The following RNF180 variants were observed in gnomAD, a reference collection of about 807,000 sequenced individuals.
RNF180 encodes the protein ring finger protein 180.
A neutral mutation model predicts 59.2 loss-of-function variants in RNF180; 38 were observed. The ratio of observed to expected loss-of-function variants is 0.64; its 90% CI spans 0.50 to 0.84. The LOEUF is 0.84. Among genes scored for constraint, RNF180 ranks in the 40% least tolerant of loss-of-function variants. The pLI is 0.00. For synonymous variants in RNF180, 262 were observed against 240.3 expected (o/e 1.09, Z -0.84); for missense variants, 705 against 700.9 (o/e 1.01, Z -0.07).
At chr5:64,348,523 C>G (rs1017060615) in intron 7 of RNF180, among the ~76,000 whole-genome samples, 1 of 152,084 alleles carries the variant, frequency 6.6e-6, no homozygotes, top group Non-Finnish European at 1.5e-5. Context: ...GATAATACAA[C>G]TTCCTTTCAA....
At chr5:64,172,942 T>C (rs1429997762) in intron 1 of RNF180, among the ~76,000 whole-genome samples, 4 of 152,206 alleles carry the variant, frequency 2.6e-5, no homozygotes, top group Admixed American at 2.6e-4. Context: ...GTCAACTGTT[T>C]AGAATTCAGG....
chr5:64,319,102 G>A lies in RNF180; in HGVS notation c.1228-6084G>A, dbSNP rs114457727. Among the ~76,000 whole-genome samples, 674 of 151,648 alleles carry A rather than the reference G, an allele frequency of 4.4e-3. 6 individuals are homozygous for A. The highest frequency in any genetic ancestry group is 6.5e-3 in the Non-Finnish European group (439 of 67,912). ...CAAAACTCTGTGTGTGTGCATGTGC[G>A]TGTGTAGAGAAAGTATATGGAAATT... On this transcript the variant is annotated intron_variant, in intron 5 of 7. Coordinates refer to ENST00000389100, the MANE Select transcript of RNF180 (RefSeq NM_001113561.2).
intron 5 of RNF180, among the ~76,000 whole-genome samples, chr5:64,287,379 CA>C (rs2112411453): frequency 6.6e-6 from 1 of 152,256 alleles, no homozygotes; most frequent in South Asian, 2.1e-4. Context: ...TACTAAATTC[CA>C]TTGCCAATTA....
At chr5:64,263,118 G>A (rs556324003) in intron 5 of RNF180, among the ~76,000 whole-genome samples, 3 of 152,188 alleles carry the variant, frequency 2.0e-5, no homozygotes, top group Non-Finnish European at 4.4e-5. Flanking sequence ...TTTCCTTGAA[G>A]GGAGCATGAT....
At chr5:64,368,887 T>C (rs190762093) in intron 7 of RNF180, among the ~76,000 whole-genome samples, 5,204 of 152,162 alleles carry the variant, frequency 0.034, 126 homozygotes, top group Non-Finnish European at 0.052. Flanking sequence ...TCAACCATTG[T>C]GGAAGTCAGT....
At chr5:64,272,773 A>G (rs1427485084) in intron 5 of RNF180, among the ~76,000 whole-genome samples, 1 of 152,042 alleles carries the variant, frequency 6.6e-6, no homozygotes, top group Non-Finnish European at 1.5e-5. Context: ...AAGAAATGTC[A>G]AGGATAATAC....
intron 5 of RNF180, among the ~76,000 whole-genome samples, chr5:64,250,448 A>C (rs769821597): frequency 9.2e-5 from 14 of 152,162 alleles, no homozygotes; most frequent in Non-Finnish European, 1.8e-4. Context: ...TACACTAGGA[A>C]AATAATAGAA....
chr5:64,273,763 G>A (rs1450932214), intron 5 of RNF180, among the ~76,000 whole-genome samples: 1 of 151,874 alleles, frequency 6.6e-6, no homozygotes, highest in Admixed American at 6.6e-5. Context: ...GAAAGAAAAG[G>A]CACAAGACTA....
At chr5:64,349,585 G>GC (rs1491569057) in intron 7 of RNF180, among the ~76,000 whole-genome samples, 2 of 149,338 alleles carry the variant, frequency 1.3e-5, no homozygotes, top group Non-Finnish European at 3.0e-5. Flanking sequence ...CTCCCCCCTT[G>GC]CCCCCCACCA....
chr5:64,166,149 C>G (rs356636), intron 1 of RNF180, 196 bp downstream of exon 1: 97,520 of 152,214 alleles, frequency 0.64, 33,348 homozygotes, highest in African/African-American at 0.89. Flanking sequence ...GTGACGCGGC[C>G]GCGGCTTAAC....
intron 5 of RNF180, among the ~76,000 whole-genome samples, chr5:64,308,238 T>A (rs568849759): frequency 1.3e-5 from 2 of 151,856 alleles, no homozygotes; most frequent in Non-Finnish European, 3.0e-5. Flanking sequence ...GCATACTCAC[T>A]AAAATTTATT....
chr5:64,264,255 G>A (rs1744526639), intron 5 of RNF180, among the ~76,000 whole-genome samples: 1 of 152,032 alleles, frequency 6.6e-6, no homozygotes, highest in Non-Finnish European at 1.5e-5. Context: ...GGATACATGC[G>A]CAGAATGTGC....
chr5:64,331,317 T>C (rs192741563), intron 7 of RNF180, among the ~76,000 whole-genome samples: 1 of 152,316 alleles, frequency 6.6e-6, no homozygotes, highest in African/African-American at 2.4e-5. Flanking sequence ...AGCCCCACCT[T>C]CTTCAAACCT....
chr5:64,169,911 G>C (rs1353687207), intron 1 of RNF180, among the ~76,000 whole-genome samples: 1 of 152,242 alleles, frequency 6.6e-6, no homozygotes, highest in Non-Finnish European at 1.5e-5. Context: ...CATAGGAAAA[G>C]GGACCTAACA....
intron 2 of RNF180, among the ~76,000 whole-genome samples, chr5:64,209,465 T>A (rs1475749537): frequency 2.6e-5 from 4 of 152,050 alleles, no homozygotes; most frequent in African/African-American, 9.7e-5. Context: ...ATAATAGATG[T>A]ACCTTTATGC....
intron 1 of RNF180, 60 bp from the exon 2 acceptor site, chr5:64,200,748 T>A (rs1751699119): frequency 6.8e-7 from 1 of 1,461,804 alleles, no homozygotes; most frequent in Non-Finnish European, 9.4e-7. Context: ...TGTTAAGGAT[T>A]TAGAAAGTCC....
chr5:64,192,100 A>G (rs1253378267), intron 1 of RNF180, among the ~76,000 whole-genome samples: 2 of 152,000 alleles, frequency 1.3e-5, no homozygotes, highest in African/African-American at 4.8e-5. Context: ...TCACTTGATC[A>G]TATATGCCTG....
intron 5 of RNF180, among the ~76,000 whole-genome samples, chr5:64,304,266 C>T (rs983715761): frequency 6.6e-6 from 1 of 151,554 alleles, no homozygotes; most frequent in Non-Finnish European, 1.5e-5. Flanking sequence ...TTCTGCAGTC[C>T]ATGGATCAAG....
intron 5 of RNF180, among the ~76,000 whole-genome samples, chr5:64,320,091 T>G (rs1744269123): frequency 6.6e-6 from 1 of 152,186 alleles, no homozygotes; most frequent in Non-Finnish European, 1.5e-5. Flanking sequence ...GCAGAAACTC[T>G]AGGGATGGGC....
Sources: gnomAD v4.1 joint callset for allele counts (sites outside exome capture counted in the v4.1 genomes callset) on GRCh38, gnomAD v4.1.1 for gene constraint, MANE v1.5 for transcripts, NCBI Gene and HGNC (gene_info 2026-07-23, HGNC 2026-07-21) for gene names.